The following CSMD1 variants were observed in gnomAD, a reference collection of about 807,000 sequenced individuals.
CSMD1 encodes CUB and Sushi multiple domains 1.
Under a neutral mutation model 417.5 loss-of-function variants are expected in CSMD1, and 213 were observed. The observed-to-expected ratio is 0.51, with a 90% CI of 0.46 to 0.57. The LOEUF is 0.57. Among genes scored for constraint, CSMD1 ranks in the 20% least tolerant of loss-of-function variants. The pLI, the probability that CSMD1 is intolerant of heterozygous loss-of-function variation, is 0.00. For missense variants in CSMD1, 6,923 were observed against 4,529.7 expected (o/e 1.53, Z -15.17); for synonymous variants, 2,862 against 1,736.8 (o/e 1.65, Z -16.11).
chr8:2,956,190 A>G (rs544409168), intron 63 of CSMD1, among the ~76,000 whole-genome samples: 1 of 152,130 alleles, frequency 6.6e-6, no homozygotes, highest in Non-Finnish European at 1.5e-5. Flanking sequence ...GAATATTTAG[A>G]TATGCCTTGA....
At chr8:3,642,997 A>T (rs1285673468) in intron 7 of CSMD1, among the ~76,000 whole-genome samples, 1 of 152,148 alleles carries the variant, frequency 6.6e-6, no homozygotes, top group Non-Finnish European at 1.5e-5. Flanking sequence ...AAATTAAAAA[A>T]AATAGATGTA....
intron 5 of CSMD1, among the ~76,000 whole-genome samples, chr8:3,959,237 C>T (rs907325997): frequency 2.0e-5 from 3 of 152,204 alleles, no homozygotes; most frequent in Admixed American, 6.5e-5. Context: ...GGGTGGGACA[C>T]GTGTGTAATC....
intron 3 of CSMD1, among the ~76,000 whole-genome samples, chr8:4,273,236 C>G (rs1384354810): frequency 3.3e-5 from 5 of 152,010 alleles, no homozygotes; most frequent in African/African-American, 9.7e-5. Flanking sequence ...TAAAATATAA[C>G]TTATAAAAAG....
rs1468051730 is a variant in CSMD1 at position 4,138,346 on chromosome 8, G to C, written c.416-106247C>G. Among the ~76,000 whole-genome samples, 5 of 151,834 alleles carry C rather than the reference G, an allele frequency of 3.3e-5. 1 individual carries two copies. Among genetic ancestry groups the C allele is most frequent in the Non-Finnish European group, 7.4e-5 (5 of 67,988 alleles). The stretch of plus-strand genomic sequence containing the variant: ...ATTTACACATTTGAGTTGTGGCAAA[G>C]CTGGGGCAAGGAGTCAGTGTTCTGA... On this transcript the variant is annotated intron_variant, in intron 3 of 69. Transcript: ENST00000635120.
chr8:3,134,819 C>T (rs1252513867), intron 41 of CSMD1, among the ~76,000 whole-genome samples: 1 of 152,148 alleles, frequency 6.6e-6, no homozygotes, highest in African/African-American at 2.4e-5. Context: ...CTCTCTGAGC[C>T]TCATTTTTCT....
chr8:4,669,251 AC>A (rs1434787571), intron 1 of CSMD1, among the ~76,000 whole-genome samples: 1 of 152,094 alleles, frequency 6.6e-6, no homozygotes, highest in Non-Finnish European at 1.5e-5. Flanking sequence ...AGACATATTT[AC>A]TACTGATTTT....
intron 5 of CSMD1, among the ~76,000 whole-genome samples, chr8:3,785,308 C>G (rs1209629103): frequency 6.6e-6 from 1 of 152,226 alleles, no homozygotes; most frequent in Admixed American, 6.5e-5. Context: ...GATGAAACTT[C>G]AGGCTGCGGA....
chr8:4,082,893 C>T (rs1472373147), intron 3 of CSMD1, among the ~76,000 whole-genome samples: 1 of 151,406 alleles, frequency 6.6e-6, no homozygotes, highest in Non-Finnish European at 1.5e-5. Context: ...TGATACTTTA[C>T]TGACAATGAT....
intron 1 of CSMD1, among the ~76,000 whole-genome samples, chr8:4,784,768 C>A (rs1032807200): frequency 6.6e-6 from 1 of 152,138 alleles, no homozygotes; most frequent in South Asian, 2.1e-4. Flanking sequence ...ATCTTAAACA[C>A]AATTCTCTCT....
At chr8:4,978,345 C>T (rs1810684888) in intron 1 of CSMD1, among the ~76,000 whole-genome samples, 1 of 151,982 alleles carries the variant, frequency 6.6e-6, no homozygotes, top group African/African-American at 2.4e-5. Context: ...GAATCTAAAG[C>T]CAGAAGGAAA....
intron 10 of CSMD1, among the ~76,000 whole-genome samples, chr8:3,539,861 G>C (rs1177953473): frequency 6.6e-6 from 1 of 151,584 alleles, no homozygotes; most frequent in Non-Finnish European, 1.5e-5. Flanking sequence ...GGATAATTTT[G>C]TTCGACCAAA....
At chr8:4,614,474 C>T (rs1801361862) in intron 2 of CSMD1, among the ~76,000 whole-genome samples, 1 of 152,102 alleles carries the variant, frequency 6.6e-6, no homozygotes. Flanking sequence ...TAAATTATGT[C>T]ACCTCTAAAC....
intron 11 of CSMD1, among the ~76,000 whole-genome samples, chr8:3,485,176 G>A (rs1032064070): frequency 3.9e-5 from 6 of 152,144 alleles, no homozygotes; most frequent in African/African-American, 1.4e-4. Flanking sequence ...CCATCTGTGG[G>A]TGAATATAAA....
At chr8:3,774,010 G>T (rs55828013) in intron 5 of CSMD1, among the ~76,000 whole-genome samples, 3,250 of 152,178 alleles carry the variant, frequency 0.021, 115 homozygotes, top group African/African-American at 0.075. Context: ...TACTTACACA[G>T]TTGCTGCGCT....
At chr8:4,248,806 T>G (rs1802867271) in intron 3 of CSMD1, among the ~76,000 whole-genome samples, 1 of 152,176 alleles carries the variant, frequency 6.6e-6, no homozygotes, top group Non-Finnish European at 1.5e-5. Context: ...GAAAAATCTT[T>G]GCCTAATTTG....
intron 1 of CSMD1, among the ~76,000 whole-genome samples, chr8:4,920,121 A>T (rs1044596524): frequency 9.2e-5 from 14 of 152,236 alleles, no homozygotes; most frequent in Non-Finnish European, 1.9e-4. Context: ...AAGGTAGGTT[A>T]TCATGAAAAT....
At chr8:3,048,226 C>T (rs1811584068) in intron 50 of CSMD1, among the ~76,000 whole-genome samples, 1 of 152,112 alleles carries the variant, frequency 6.6e-6, no homozygotes, top group Admixed American at 6.5e-5. Flanking sequence ...ACCAACAAGA[C>T]CGATCTTGTA....
intron 2 of CSMD1, among the ~76,000 whole-genome samples, chr8:4,517,149 G>A (rs2130374861): frequency 6.6e-6 from 1 of 152,292 alleles, no homozygotes; most frequent in South Asian, 2.1e-4. Context: ...ATGATTATAA[G>A]TACCTACTGT....
intron 3 of CSMD1, among the ~76,000 whole-genome samples, chr8:4,190,437 T>C (rs1362737540): frequency 6.6e-6 from 1 of 152,060 alleles, no homozygotes; most frequent in African/African-American, 2.4e-5. Context: ...TTAATGTGAA[T>C]TGCTTAGAAT....
Sources: gnomAD v4.1 joint callset for allele counts (sites outside exome capture counted in the v4.1 genomes callset) on GRCh38, gnomAD v4.1.1 for gene constraint, MANE v1.5 for transcripts, NCBI Gene and HGNC (gene_info 2026-07-23, HGNC 2026-07-21) for gene names.